MAGI1: variants seen among roughly 807,000 people sequenced by gnomAD.
MAGI1 encodes membrane-associated guanylate kinase, WW and PDZ domain-containing protein 1.
MAGI1 carries 58 observed loss-of-function variants against 139.9 expected under a neutral mutation model. The observed-to-expected ratio is 0.41, with a 90% CI of 0.34 to 0.52. The LOEUF is 0.52. Ranked by LOEUF, MAGI1 falls within the 20% of genes least tolerant of loss-of-function variation. The pLI, the probability that MAGI1 is intolerant of heterozygous loss-of-function variation, is 0.12. For missense variants in MAGI1, 1,874 were observed against 1,901.6 expected (o/e 0.99, Z 0.27); for synonymous variants, 812 against 737.9 (o/e 1.10, Z -1.63).
rs190028497 is a variant in MAGI1 at position 65,713,746 on chromosome 3, G to C, written c.314-91658C>G. Among the ~76,000 whole-genome samples the C allele has an allele frequency of 1.1e-4, 17 of 152,264 alleles. No individual in the cohort carries two copies. The East Asian group carries it at 2.9e-3, about 26-fold the overall frequency. On this transcript the variant is annotated intron_variant, in intron 1 of 22. Transcript: ENST00000402939. ...TTTTGTGTGTGCCTACTACGTCACA[G>C]GTAGTTTTGTCAAACACTGAGAAAA... is the stretch of plus-strand genomic sequence containing the variant.
intron 1 of MAGI1, among the ~76,000 whole-genome samples, chr3:65,811,534 T>C (rs1471435025): frequency 1.3e-5 from 2 of 152,114 alleles, no homozygotes; most frequent in Non-Finnish European, 2.9e-5. Context: ...AGTCTCTTTC[T>C]AAGGAAATGT....
intron 2 of MAGI1, among the ~76,000 whole-genome samples, chr3:65,570,808 A>C (rs1181440800): frequency 3.9e-5 from 6 of 152,238 alleles, no homozygotes; most frequent in African/African-American, 1.4e-4. Flanking sequence ...AGCAAGAAAT[A>C]GAGACTAAAC....
chr3:65,890,695 T>C (rs2060711302), intron 1 of MAGI1, among the ~76,000 whole-genome samples: 2 of 152,186 alleles, frequency 1.3e-5, no homozygotes, highest in Non-Finnish European at 1.5e-5. Context: ...CATCCATTTA[T>C]AAGAGGTACA....
chr3:65,359,313 T>C, intron 22 of MAGI1: 1 of 1,432,532 alleles, frequency 7.0e-7, no homozygotes, highest in Non-Finnish European at 9.1e-7. Flanking sequence ...AGTCAGACAG[T>C]CTAAGGCAAC....
intron 2 of MAGI1, among the ~76,000 whole-genome samples, chr3:65,512,755 GAA>G (rs1309942617): frequency 1.6e-4 from 24 of 146,892 alleles, no homozygotes; most frequent in Admixed American, 6.1e-4. Flanking sequence ...CATTCCTTCT[GAA>G]ACTATTCCAA....
chr3:65,899,489 G>C (rs1333989793), intron 1 of MAGI1, among the ~76,000 whole-genome samples: 1 of 152,204 alleles, frequency 6.6e-6, no homozygotes. Context: ...AAAAAACTGA[G>C]ATCATTTCAG....
At chr3:65,362,034 T>C (rs1940912887) in intron 21 of MAGI1, among the ~76,000 whole-genome samples, 2 of 152,158 alleles carry the variant, frequency 1.3e-5, no homozygotes. Flanking sequence ...ACGAGGCAGA[T>C]CCCCACTCAA....
chr3:65,695,598 A>G (rs1447792483), intron 1 of MAGI1, among the ~76,000 whole-genome samples: 2 of 152,212 alleles, frequency 1.3e-5, no homozygotes, highest in African/African-American at 4.8e-5. Flanking sequence ...ATCCATTTAT[A>G]GACTTGCTTT....
chr3:65,511,266 C>A (rs1277935761), intron 2 of MAGI1, among the ~76,000 whole-genome samples: 2 of 149,902 alleles, frequency 1.3e-5, no homozygotes, highest in Non-Finnish European at 3.0e-5. Flanking sequence ...AAATAACCAG[C>A]TAACATCATA....
rs1375987020 is a variant in MAGI1, at chr3:65,429,851, G to T, written c.1836C>A (p.Ser612Arg). 1.9e-6 allele frequency: 3 copies of T among 1,614,006 alleles called. No individual in the cohort carries two copies. In the African/African-American group the frequency reaches 4.0e-5, roughly 22 times the overall value. The change falls in exon 12 of 23, where the codon AGC becomes AGA. Residue 612 changes from serine (S) to arginine (R), a missense_variant. Ser to Arg is a moderately radical substitution (Grantham distance 110). This residue lies in a region of MAGI1 where 482 missense variants were observed against 509.6 expected (regional missense o/e 0.95). Coordinates refer to ENST00000402939, the MANE Select transcript of MAGI1 (RefSeq NM_001033057.2). Reference protein sequence around the residue: ...VNGMKDARPSSPADVASNSSH... With the variant: ...VNGMKDARPSRPADVASNSSH... ...AACTATTTGAAGCCACGTCCGCTGGGCTGCTTGGCCTGGCATCCTTCATGC... is the reference window on the plus strand; with the variant it reads ...AACTATTTGAAGCCACGTCCGCTGGTCTGCTTGGCCTGGCATCCTTCATGC...
chr3:65,965,928 C>T (rs1055656183), intron 1 of MAGI1, among the ~76,000 whole-genome samples: 3 of 152,176 alleles, frequency 2.0e-5, no homozygotes, highest in African/African-American at 7.2e-5. Context: ...GCTGGGATTA[C>T]AGATGTGAGC....
chr3:65,947,775 C>T (rs2063605151), intron 1 of MAGI1, among the ~76,000 whole-genome samples: 1 of 151,862 alleles, frequency 6.6e-6, no homozygotes, highest in South Asian at 2.1e-4. Context: ...CACCATCATG[C>T]CCAGCTAATT....
intron 1 of MAGI1, among the ~76,000 whole-genome samples, chr3:65,697,036 G>C (rs1350247842): frequency 8.5e-5 from 13 of 152,112 alleles, no homozygotes; most frequent in Non-Finnish European, 1.6e-4. Flanking sequence ...AAATGATAAA[G>C]GGGATATCAC....
At chr3:65,423,966 G>C (rs1306756398) in intron 12 of MAGI1, among the ~76,000 whole-genome samples, 1 of 152,136 alleles carries the variant, frequency 6.6e-6, no homozygotes, top group Non-Finnish European at 1.5e-5. Flanking sequence ...ACTCCTTCTT[G>C]TATTTTGTCC....
intron 1 of MAGI1, among the ~76,000 whole-genome samples, chr3:65,697,013 T>A (rs1459065644): frequency 6.6e-6 from 1 of 152,002 alleles, no homozygotes; most frequent in Non-Finnish European, 1.5e-5. Flanking sequence ...AAGAATCAAA[T>A]AGACACAATG....
At chr3:65,458,352 CTGTT>C (rs772002816) in intron 5 of MAGI1, among the ~76,000 whole-genome samples, 51 of 150,410 alleles carry the variant, frequency 3.4e-4, no homozygotes, top group Non-Finnish European at 5.5e-4. Flanking sequence ...TTTAGTTTTT[CTGTT>C]TGTTTGTTTT....
At chr3:65,550,470 G>A (rs2079768754) in intron 2 of MAGI1, among the ~76,000 whole-genome samples, 1 of 152,098 alleles carries the variant, frequency 6.6e-6, no homozygotes, top group East Asian at 1.9e-4. Context: ...GAAAGAAATT[G>A]GACTCTCTAG....
chr3:66,030,286 T>A (rs1346249516), intron 1 of MAGI1, among the ~76,000 whole-genome samples: 1 of 152,212 alleles, frequency 6.6e-6, no homozygotes, highest in Non-Finnish European at 1.5e-5. Context: ...CACCTAAATT[T>A]TCAGGGACTT....
intron 1 of MAGI1, among the ~76,000 whole-genome samples, chr3:65,739,998 TA>T (rs11291014): frequency 0.97 from 147,029 of 151,266 alleles, 71,552 homozygotes; most frequent in East Asian, 1. Flanking sequence ...CTTCAAGTTG[TA>T]AAAAAAAAAA....
Sources: gnomAD v4.1 joint callset for allele counts (sites outside exome capture counted in the v4.1 genomes callset) on GRCh38, gnomAD v4.1.1 for gene constraint, gnomAD v4.1.1 regional missense constraint, MANE v1.5 for transcripts, NCBI Gene and HGNC (gene_info 2026-07-23, HGNC 2026-07-21) for gene names.